The following COL6A3 variants were observed in gnomAD, a reference collection of about 807,000 sequenced individuals.
The protein encoded by COL6A3 is collagen type VI alpha 3 chain.
Under a neutral mutation model 274.1 loss-of-function variants are expected in COL6A3, and 137 were observed. That is an observed-to-expected ratio of 0.50 (90% CI 0.44 to 0.58). The LOEUF (loss-of-function observed/expected upper bound fraction) is 0.58. Ranked by LOEUF, COL6A3 falls within the 20% of genes least tolerant of loss-of-function variation. The probability of loss-of-function intolerance (pLI) is 0.00; values close to 1 mark genes in which losing one functional copy is unlikely to be tolerated. For missense variants in COL6A3, 3,950 were observed against 4,124.9 expected (o/e 0.96, Z 1.16); for synonymous variants, 1,650 against 1,650.6 (o/e 1.00, Z 0.01).
chr2:237,406,256 T>G (rs149144116), intron 1 of COL6A3, among the ~76,000 whole-genome samples: 2 of 152,286 alleles, frequency 1.3e-5, no homozygotes, highest in African/African-American at 2.4e-5. Flanking sequence ...ACTCAAAACC[T>G]TTTTCATTTT....
chr2:237,344,583 C>T lies in COL6A3; in HGVS notation c.7435G>A (p.Ala2479Thr), dbSNP rs1461187641. Residue 2479 changes from alanine (A) to threonine (T), a missense_variant, in exon 36 of 44, where the codon GCT becomes ACT. Transcript: ENST00000295550. The surrounding 1 kb of genome is among the most constrained non-coding windows in gnomAD (Gnocchi z 4.8). ...AGACTCTGCTGTTTGGATGTCAGAGCCACCTGAAGGTTCTTAATCTTGTCC... is the reference window on the plus strand; with the variant it reads ...AGACTCTGCTGTTTGGATGTCAGAGTCACCTGAAGGTTCTTAATCTTGTCC... Reference protein sequence around the residue: ...LLDKIKNLQVALTSKQQSLET... With the variant: ...LLDKIKNLQVTLTSKQQSLET... The T allele has an allele frequency of 6.2e-7, 1 of 1,614,192 alleles. No homozygotes were observed. Among genetic ancestry groups the T allele is most frequent in the African/African-American group, 1.3e-5 (1 of 75,040 alleles).
chr2:237,351,228 G>A (rs886093207), intron 26 of COL6A3, 36 bp from the exon 27 acceptor site: 2 of 1,605,936 alleles, frequency 1.2e-6, no homozygotes, highest in Non-Finnish European at 1.7e-6. Flanking sequence ...CAGTGAAGTG[G>A]CCAACCGTCC....
rs373442871 is a variant in COL6A3, at chr2:237,359,402, C to A, written c.6283-14G>T. On this transcript the variant is annotated splice_polypyrimidine_tract_variant and intron_variant, in intron 17 of 43. Coordinates refer to ENST00000295550, the MANE Select transcript of COL6A3 (RefSeq NM_004369.4). ...TCCCCGAGAGCCCTAGAAGGCAAGG[C>A]GATAGGGGAAGCATTAGCTTTTCCT... 2.2e-5 allele frequency: 36 copies of A among 1,613,544 alleles called. No homozygotes were observed. The highest frequency in any genetic ancestry group is 3.0e-5 in the Non-Finnish European group (35 of 1,179,896).
intron 1 of COL6A3, among the ~76,000 whole-genome samples, chr2:237,399,289 T>C (rs1312763497): frequency 2.0e-5 from 3 of 152,210 alleles, no homozygotes; most frequent in African/African-American, 4.8e-5. Flanking sequence ...GGATCCACCA[T>C]ACCCTACCTC....
At chr2:237,332,117 A>ATATATATATATTATATATATG (rs35490728) in intron 42 of COL6A3, among the ~76,000 whole-genome samples, 661 of 64,124 alleles carry the variant, frequency 0.01, 142 homozygotes, top group Non-Finnish European at 0.013. Flanking sequence ...ATATATATAT[A>ATATATATATATTATATATATG]TGAAAAGAAA....
At chr2:237,403,581 A>G (rs1168599934) in intron 1 of COL6A3, among the ~76,000 whole-genome samples, 1 of 152,166 alleles carries the variant, frequency 6.6e-6, no homozygotes, top group Non-Finnish European at 1.5e-5. Flanking sequence ...AAGTGACAGC[A>G]ATGAGTGGTG....
intron 12 of COL6A3, 121 bp downstream of exon 12, chr2:237,365,577 T>C: frequency 3.4e-6 from 3 of 888,734 alleles, no homozygotes; most frequent in South Asian, 1.4e-5. Context: ...GGATTTTCCA[T>C]ATAGACACTA....
At chr2:237,338,169 A>G (rs922681826) in intron 39 of COL6A3, among the ~76,000 whole-genome samples, 3 of 152,198 alleles carry the variant, frequency 2.0e-5, no homozygotes, top group African/African-American at 4.8e-5. Context: ...GCTTTGGTCA[A>G]TAGAACGTGG....
chr2:237,350,122 GA>G (rs1451471592), intron 28 of COL6A3, 24 bp downstream of exon 28: 1 of 1,613,006 alleles, frequency 6.2e-7, no homozygotes, highest in Non-Finnish European at 8.5e-7. Flanking sequence ...GCGACAGCCT[GA>G]CCCCAAGCGC....
rs755587601 is a variant in COL6A3, at chr2:237,395,043, C to T, written c.253G>A (p.Gly85Arg). Residue 85 changes from glycine to arginine, a missense_variant, in exon 3 of 44, where the codon GGA (glycine) becomes AGA (arginine). Coordinates refer to ENST00000295550, the MANE Select transcript of COL6A3 (RefSeq NM_004369.4). ...DFHFALVQFN[G>R]NPHTEFLLNT... ...AACAGGAACTCGGTATGTGGGTTTC[C>T]GTTGAACTGGACCAGAGCAAAATGG... 7.2e-5 allele frequency: 116 copies of T among 1,613,986 alleles called. No individual in the cohort carries two copies. The highest frequency in any genetic ancestry group is 8.6e-5 in the Non-Finnish European group (102 of 1,180,020).
At chr2:237,348,743 C>T in intron 28 of COL6A3, 80 bp from the exon 29 acceptor site, 2 of 1,264,058 alleles carry the variant, frequency 1.6e-6, no homozygotes. Flanking sequence ...GCCGCTGCCC[C>T]TGAGAAGTGG....
In COL6A3 at chr2:237,344,468, T is replaced by C. The variant is rs756921788; in HGVS notation, c.7550A>G (p.Asn2517Ser). 2 of 1,614,198 alleles carry C rather than the reference T, an allele frequency of 1.2e-6. No homozygotes were observed. Among genetic ancestry groups the C allele is most frequent in the East Asian group, 2.2e-5 (1 of 44,878 alleles). ...LMRKVAVFFS[N>S]TPTRASPQLR... is the part of the protein sequence containing the mutation. ...CTGTGGGGATGCTCTTGTGGGTGTG[T>C]TGCTGAAGAAAACAGCCACTTTCCT... is the stretch of plus-strand genomic sequence containing the variant. Residue 2517 changes from asparagine (N) to serine (S), a missense_variant, in exon 36 of 44, where the codon AAC becomes AGC. Transcript: ENST00000295550. This position sits in a 1 kb window ranked among gnomAD's most constrained non-coding sequence, Gnocchi z 4.8.
chr2:237,343,018 T>C (rs1417053193), intron 36 of COL6A3: 1 of 152,154 alleles, frequency 6.6e-6, no homozygotes, highest in Non-Finnish European at 1.5e-5. Flanking sequence ...CAGTCTCAAT[T>C]TACAGGTGAA....
At chr2:237,405,449 G>A (rs537335813) in intron 1 of COL6A3, among the ~76,000 whole-genome samples, 4 of 152,112 alleles carry the variant, frequency 2.6e-5, no homozygotes, top group African/African-American at 9.6e-5. Context: ...ATGACCACCC[G>A]CCCTCTTCAA....
In COL6A3 at chr2:237,369,025, A is replaced by G; in HGVS notation, c.4438T>C (p.Phe1480Leu). ...PSKVRVGVVQ[F>L]SNDVFPEFYL... Reference sequence around the variant, plus strand: ...AATTCTGGGAAGACATCATTGCTGAACTGCACGACCCCAACTCTCACTTTA... The same window carrying G: ...AATTCTGGGAAGACATCATTGCTGAGCTGCACGACCCCAACTCTCACTTTA... The change falls in exon 10 of 44, where the codon TTC becomes CTC. Residue 1480 changes from phenylalanine to leucine, a missense_variant. Coordinates refer to ENST00000295550, the MANE Select transcript of COL6A3 (RefSeq NM_004369.4). 6.2e-7 allele frequency: 1 copy of G among 1,614,184 alleles called. No homozygotes were observed. Among genetic ancestry groups the G allele is most frequent in the East Asian group, 2.2e-5 (1 of 44,882 alleles).
At chr2:237,351,684 A>G (rs2077209484) in intron 26 of COL6A3, among the ~76,000 whole-genome samples, 3 of 152,252 alleles carry the variant, frequency 2.0e-5, no homozygotes, top group Non-Finnish European at 4.4e-5. Flanking sequence ...GTGCAAATTA[A>G]TAAATGTTTC....
At chr2:237,394,195 C>T (rs2078366086) in intron 3 of COL6A3, among the ~76,000 whole-genome samples, 2 of 152,218 alleles carry the variant, frequency 1.3e-5, no homozygotes, top group African/African-American at 2.4e-5. Context: ...TCTCAGTTCA[C>T]GCACTCTCCA....
Position 237,379,154 on chromosome 2 carries a change from T to G in COL6A3, c.1979A>C (p.Asp660Ala), listed in dbSNP as rs1064797036. ...VGKTNFPYVR[D>A]FVMNLVNSLD... Reference sequence around the variant, plus strand: ...GCTGTTAACTAGGTTCATTACAAAGTCGCGCACATAAGGGAAATTGGTTTT... The same window carrying G: ...GCTGTTAACTAGGTTCATTACAAAGGCGCGCACATAAGGGAAATTGGTTTT... The change falls in exon 6 of 44, where the codon GAC becomes GCC. Residue 660 changes from aspartate to alanine, a missense_variant. This residue lies in a region of COL6A3 where 1,934 missense variants were observed against 1,984.3 expected (regional missense o/e 0.97). Transcript: ENST00000295550. 2 of 1,614,222 alleles carry G rather than the reference T, an allele frequency of 1.2e-6. No individual in the cohort carries two copies. Among genetic ancestry groups the G allele is most frequent in the African/African-American group, 2.7e-5 (2 of 75,062 alleles).
Position 237,365,736 on chromosome 2 carries a change from G to A in COL6A3, c.5800C>T (p.Leu1934=). ...VLTEDTLKVY[L]NKFRQSSPDS... ...GGCGAGGACTGTCTGAACTTGTTCAGGTAGACCTTCAGGGTGTCCTCCGTG... is the reference window on the plus strand; with the variant it reads ...GGCGAGGACTGTCTGAACTTGTTCAAGTAGACCTTCAGGGTGTCCTCCGTG... Residue 1934 remains leucine (L), a synonymous_variant, in exon 12 of 44, where the codon CTG becomes TTG. Transcript: ENST00000295550. 1.2e-6 allele frequency: 2 copies of A among 1,614,220 alleles called. No individual in the cohort carries two copies. The highest frequency in any genetic ancestry group is 1.3e-5 in the African/African-American group (1 of 75,072).
Sources: gnomAD v4.1 joint callset for allele counts (sites outside exome capture counted in the v4.1 genomes callset) on GRCh38, gnomAD v4.1.1 for gene constraint, gnomAD v4.1.1 regional missense constraint, Gnocchi (gnomAD v3.1) non-coding constraint, MANE v1.5 for transcripts, NCBI Gene and HGNC (gene_info 2026-07-23, HGNC 2026-07-21) for gene names.